GID4: variants seen among roughly 807,000 people sequenced by gnomAD.
The protein encoded by GID4 is GID complex subunit 4 homolog, also known as glucose-induced degradation protein 4 homolog.
GID4 carries 7 observed loss-of-function variants against 32.4 expected under a neutral mutation model. That is an observed-to-expected ratio of 0.22 (90% confidence interval 0.12 to 0.41). The LOEUF (loss-of-function observed/expected upper bound fraction) is 0.41, where lower values mean the gene tolerates loss of function less well. Among genes scored for constraint, GID4 ranks in the 10% least tolerant of loss-of-function variants. GID4 has a pLI of 1.00. For missense variants in GID4, 309 were observed against 400.0 expected (o/e 0.77, Z 1.94); for synonymous variants, 166 against 170.0 (o/e 0.98, Z 0.18).
intron 1 of GID4, among the ~76,000 whole-genome samples, chr17:18,044,184 G>T (rs2044829978): frequency 6.6e-6 from 1 of 152,134 alleles, no homozygotes; most frequent in South Asian, 2.1e-4. Flanking sequence ...AAAAGCCAGG[G>T]ATTTTTCACA....
intron 1 of GID4, among the ~76,000 whole-genome samples, chr17:18,041,797 C>A (rs549826675): frequency 1.3e-5 from 2 of 152,324 alleles, no homozygotes; most frequent in South Asian, 4.1e-4. Flanking sequence ...TCCCTTCTGT[C>A]ATTAGGGTAT....
At chr17:18,042,738 A>G (rs1400794882) in intron 1 of GID4, among the ~76,000 whole-genome samples, 1 of 152,168 alleles carries the variant, frequency 6.6e-6, no homozygotes, top group Non-Finnish European at 1.5e-5. Flanking sequence ...CTGGCCCTGC[A>G]TTGTTTTACA....
intron 2 of GID4, among the ~76,000 whole-genome samples, chr17:18,048,889 C>A (rs535864050): frequency 6.6e-6 from 1 of 151,988 alleles, no homozygotes; most frequent in Non-Finnish European, 1.5e-5. Flanking sequence ...ATGAACCACC[C>A]ACCTTGGCCT....
At chr17:18,060,105 A>G (rs2045005534) in intron 4 of GID4, among the ~76,000 whole-genome samples, 1 of 146,622 alleles carries the variant, frequency 6.8e-6, no homozygotes, top group Non-Finnish European at 1.5e-5. Context: ...AAAAAAAAAA[A>G]AGAAATGGGG....
chr17:18,057,516 C>A, intron 3 of GID4: 1 of 153,810 alleles, frequency 6.5e-6, no homozygotes, highest in Non-Finnish European at 1.4e-5. Context: ...AAGATGTTTT[C>A]TTATCAAATT....
At position 18,039,692 on chromosome 17, in the gene GID4, C is replaced by G; in HGVS notation, c.228C>G (p.Ala76=). 1 of 1,470,754 alleles carries G rather than the reference C, an allele frequency of 6.8e-7. No homozygotes were observed. The highest frequency in any genetic ancestry group is 2.4e-4 in the Middle Eastern group (1 of 4,184). The allele number at this position is 1,470,754 out of a possible 1,614,324, so 91.1% of individuals were successfully genotyped here. The change falls in exon 1 of 6, where the codon GCC becomes GCG. Residue 76 remains alanine, a synonymous_variant. Coordinates refer to ENST00000268719, the MANE Select transcript of GID4 (RefSeq NM_024052.5). This position sits in a 1 kb window ranked among gnomAD's most constrained non-coding sequence, Gnocchi z 5.3. ...AAAVPLPLPP[A]LAPGDPAMPV... is the part of the protein sequence containing the mutation. ...CGGTTCCTCTCCCACTCCCCCCAGC[C>G]CTGGCTCCGGGGGACCCCGCGATGC...
intron 1 of GID4, among the ~76,000 whole-genome samples, chr17:18,040,565 C>T (rs1567583285): frequency 6.6e-6 from 1 of 152,272 alleles, no homozygotes; most frequent in South Asian, 2.1e-4. Flanking sequence ...CTCCTGGGTC[C>T]CCTGTTCCAC....
At position 18,039,434 on chromosome 17, in the gene GID4, G is replaced by A. The variant is rs2044759160; in HGVS notation, c.-31G>A. ...TGTGTGTGTCTGTGTGTGTTTGTGT[G>A]TTGTGTGTCTGTGAGTGTCTGTGTG... On this transcript the variant is annotated 5_prime_UTR_variant, in exon 1 of 6. Transcript: ENST00000268719. The surrounding 1 kb of genome is among the most constrained non-coding windows in gnomAD (Gnocchi z 5.3). 5 of 1,360,082 alleles carry A rather than the reference G, an allele frequency of 3.7e-6. No individual in the cohort carries two copies. The highest frequency in any genetic ancestry group is 1.5e-5 in the African/African-American group (1 of 67,728). 84.3% of individuals were successfully genotyped at this position (1,360,082 alleles called of 1,614,324 possible). A position where few individuals can be genotyped will look rare whatever the true frequency, so the allele number is the denominator to read the frequency against.
chr17:18,050,034 C>T (rs958548036), intron 2 of GID4, among the ~76,000 whole-genome samples: 4 of 152,194 alleles, frequency 2.6e-5, no homozygotes, highest in Non-Finnish European at 5.9e-5. Context: ...TAGCTCTACC[C>T]GTGTTCACGC....
chr17:18,040,647 C>A (rs1275061873), intron 1 of GID4, among the ~76,000 whole-genome samples: 1 of 152,210 alleles, frequency 6.6e-6, no homozygotes, highest in Admixed American at 6.5e-5. Flanking sequence ...GCCTCCTGCC[C>A]CTGCTCTGGG....
rs1597686977 is a variant in GID4, at chr17:18,040,736, G to A, written c.438+834G>A. On this transcript the variant is annotated intron_variant, in intron 1 of 5. Transcript: ENST00000268719. ...CCATACCTTCGTCTTGCTCGATCCT[G>A]GTTCCAGGGGACCCTCTTTCCTGTT... Among the ~76,000 whole-genome samples, 3 of 152,140 alleles carry A rather than the reference G, an allele frequency of 2.0e-5. No individual in the cohort carries two copies. In the South Asian group the frequency reaches 6.2e-4, roughly 32 times the overall value.
At chr17:18,046,948 C>T (rs1304590241) in intron 2 of GID4, among the ~76,000 whole-genome samples, 1 of 149,084 alleles carries the variant, frequency 6.7e-6, no homozygotes, top group Non-Finnish European at 1.5e-5. Context: ...AAAAAAAATC[C>T]CTGCTCTGTC....
chr17:18,043,099 A>G (rs543651427), intron 1 of GID4, among the ~76,000 whole-genome samples: 2 of 152,282 alleles, frequency 1.3e-5, no homozygotes, highest in East Asian at 1.9e-4. Flanking sequence ...TGAAAGGAAT[A>G]TTTAAAAGAA....
chr17:18,047,239 C>T (rs2044863345), intron 2 of GID4, among the ~76,000 whole-genome samples: 1 of 152,154 alleles, frequency 6.6e-6, no homozygotes, highest in Non-Finnish European at 1.5e-5. Flanking sequence ...ATACAGGATT[C>T]CAGCCTTTGG....
Position 18,039,868 on chromosome 17 carries a change from A to G in GID4, c.404A>G (p.Lys135Arg). The G allele has an allele frequency of 6.5e-7, 1 of 1,529,650 alleles. No individual in the cohort carries two copies. Among genetic ancestry groups the G allele is most frequent in the Non-Finnish European group, 8.8e-7 (1 of 1,134,928 alleles). 94.8% of individuals were successfully genotyped at this position (1,529,650 alleles called of 1,614,324 possible). Residue 135 changes from lysine to arginine, a missense_variant, in exon 1 of 6, where the codon AAG (lysine) becomes AGG (arginine). This residue lies in a region of GID4 where 116 missense variants were observed against 214.2 expected (regional missense o/e 0.54). Coordinates refer to ENST00000268719, the MANE Select transcript of GID4 (RefSeq NM_024052.5). The surrounding 1 kb of genome is among the most constrained non-coding windows in gnomAD (Gnocchi z 5.3). ...GSKFRGHQKS[K>R]GNSYDVEVVL... ...AAGTTCCGCGGCCACCAGAAGAGCAAGGGGAACTCGTACGACGTAGAGGTG... is the reference window on the plus strand; with the variant it reads ...AAGTTCCGCGGCCACCAGAAGAGCAGGGGGAACTCGTACGACGTAGAGGTG...
intron 2 of GID4, 116 bp downstream of exon 2, chr17:18,045,322 C>G (rs1567584703): frequency 2.9e-6 from 2 of 682,280 alleles, no homozygotes; most frequent in Non-Finnish European, 2.6e-6. Flanking sequence ...GCAGACTACT[C>G]CTGAGCATTG....
chr17:18,039,687 C>T lies in GID4; in HGVS notation c.223C>T (p.Pro75Ser), dbSNP rs901476160. The change falls in exon 1 of 6, where the codon CCA becomes TCA. Residue 75 changes from proline to serine, a missense_variant. Coordinates refer to ENST00000268719, the MANE Select transcript of GID4 (RefSeq NM_024052.5). This position sits in a 1 kb window ranked among gnomAD's most constrained non-coding sequence, Gnocchi z 5.3. ...GGCGGCGGTTCCTCTCCCACTCCCC[C>T]CAGCCCTGGCTCCGGGGGACCCCGC... ...AAAAVPLPLP[P>S]ALAPGDPAMP... is the part of the protein sequence containing the mutation. 1.2e-5 allele frequency: 18 copies of T among 1,464,282 alleles called. No homozygotes were observed. The highest frequency in any genetic ancestry group is 1.5e-5 in the Non-Finnish European group (17 of 1,107,656). 90.7% of individuals were successfully genotyped at this position (1,464,282 alleles called of 1,614,324 possible).
chr17:18,055,567 T>A (rs929648890), intron 3 of GID4, among the ~76,000 whole-genome samples: 4 of 151,738 alleles, frequency 2.6e-5, no homozygotes, highest in Non-Finnish European at 5.9e-5. Flanking sequence ...TAGCTCACTA[T>A]AGCCTCAACC....
chr17:18,063,149 C>G (rs968200297), intron 5 of GID4, among the ~76,000 whole-genome samples: 1 of 150,396 alleles, frequency 6.6e-6, no homozygotes. Context: ...CAGTAGCTCA[C>G]GCCTGTAATC....
Sources: gnomAD v4.1 joint callset for allele counts (sites outside exome capture counted in the v4.1 genomes callset) on GRCh38, gnomAD v4.1.1 for gene constraint, gnomAD v4.1.1 regional missense constraint, Gnocchi (gnomAD v3.1) non-coding constraint, MANE v1.5 for transcripts, NCBI Gene and HGNC (gene_info 2026-07-23, HGNC 2026-07-21) for gene names.